Variants in MEAF6 observed in about 807,000 individuals in gnomAD.
MEAF6 encodes chromatin modification-related protein MEAF6.
A neutral mutation model predicts 28.9 loss-of-function variants in MEAF6; 15 were observed. That is an observed-to-expected ratio of 0.52 (90% CI 0.35 to 0.80). The LOEUF (loss-of-function observed/expected upper bound fraction) is 0.80. Among genes scored for constraint, MEAF6 ranks in the 30% least tolerant of loss-of-function variants. MEAF6 has a pLI of 0.01. For missense variants in MEAF6, 178 were observed against 237.5 expected (o/e 0.75, Z 1.65); for synonymous variants, 97 against 88.7 (o/e 1.09, Z -0.53).
chr1:37,499,066 G>T (rs1240303401), intron 5 of MEAF6, among the ~76,000 whole-genome samples: 2 of 151,978 alleles, frequency 1.3e-5, no homozygotes, highest in African/African-American at 2.4e-5. Context: ...TGGGAGGATT[G>T]CCTGAGCCCA....
intron 5 of MEAF6, among the ~76,000 whole-genome samples, chr1:37,497,938 C>T (rs1226467561): frequency 2.6e-5 from 4 of 152,068 alleles, no homozygotes; most frequent in African/African-American, 9.7e-5. Context: ...CCACAAGCAC[C>T]CAAGTCTCAG....
chr1:37,514,564 A>G, intron 1 of MEAF6, 93 bp downstream of exon 1: 1 of 913,634 alleles, frequency 1.1e-6, no homozygotes, highest in Non-Finnish European at 1.5e-6. Flanking sequence ...GCGCCCCCGG[A>G]GTAACAAACG....
rs1168160086 is a variant in MEAF6 at position 37,491,915 on chromosome 1, CT to C, written c.*2183del. 0.034 allele frequency among the ~76,000 whole-genome samples: 4,565 copies of C among 132,708 alleles called. 209 individuals carry two copies. The highest frequency in any genetic ancestry group is 0.12 in the African/African-American group (4,285 of 36,350). The allele number at this position is 132,708 out of a possible 152,430, so 87.1% of individuals were successfully genotyped here. On this transcript the variant is annotated 3_prime_UTR_variant, in exon 7 of 7. Transcript: ENST00000296214. The stretch of plus-strand genomic sequence containing the variant: ...CTTTTTAAGAGCAGTACTATTCTTT[CT>C]TTTTTTTTTTTTTTTTGACAGAGTC...
At chr1:37,501,190 C>CA (rs1277286354) in intron 5 of MEAF6, among the ~76,000 whole-genome samples, 4 of 151,858 alleles carry the variant, frequency 2.6e-5, no homozygotes, top group Non-Finnish European at 4.4e-5. Context: ...TTATGTACTG[C>CA]AAAAAAACAT....
Position 37,493,654 on chromosome 1 carries a change from A to G in MEAF6, c.*445T>C. ...AAGATAAAAACAACAAGAGAAAAAC[A>G]AGAAAACATAAAACAATATAAGAAA... is the stretch of plus-strand genomic sequence containing the variant. On this transcript the variant is annotated 3_prime_UTR_variant, in exon 7 of 7. Coordinates refer to ENST00000296214, the MANE Select transcript of MEAF6 (RefSeq NM_001270875.3). The G allele has an allele frequency of 1.1e-6, 1 of 899,050 alleles. No homozygotes were observed. The highest frequency in any genetic ancestry group is 1.7e-5 in the African/African-American group (1 of 58,980). 55.7% of individuals were successfully genotyped at this position (899,050 alleles called of 1,614,324 possible).
At chr1:37,514,398 C>T in intron 1 of MEAF6, 1 of 275,664 alleles carries the variant, frequency 3.6e-6, no homozygotes. Flanking sequence ...ACCGTCCTCC[C>T]TCCACGCCCC....
intron 6 of MEAF6, among the ~76,000 whole-genome samples, 193 bp downstream of exon 6, chr1:37,495,692 A>C (rs1233025280): frequency 9.1e-6 from 1 of 109,748 alleles, no homozygotes; most frequent in Non-Finnish European, 2.1e-5. Flanking sequence ...CTCAAAAAAA[A>C]AAAACAAAAA....
intron 2 of MEAF6, among the ~76,000 whole-genome samples, chr1:37,512,691 G>C (rs993734596): frequency 7.2e-5 from 11 of 151,892 alleles, no homozygotes; most frequent in Non-Finnish European, 1.5e-4. Flanking sequence ...GGAGTTCCAG[G>C]CCTGCCTGAG....
chr1:37,513,710 C>G (rs1032351537), intron 1 of MEAF6, 172 bp from the exon 2 acceptor site: 2 of 619,598 alleles, frequency 3.2e-6, no homozygotes, highest in Non-Finnish European at 5.8e-6. Flanking sequence ...CTAAGACAGT[C>G]TAGACCTTTG....
At chr1:37,514,628 G>T in intron 1 of MEAF6, 29 bp downstream of exon 1, 1 of 1,475,468 alleles carries the variant, frequency 6.8e-7, no homozygotes, top group Non-Finnish European at 9.0e-7. Flanking sequence ...GGAGCCCCAT[G>T]CCGTGCAACC....
intron 4 of MEAF6, among the ~76,000 whole-genome samples, chr1:37,503,963 A>C (rs570972997): frequency 1.2e-4 from 18 of 152,276 alleles, no homozygotes; most frequent in African/African-American, 4.1e-4. Context: ...CATCTCAAAA[A>C]AAAGAATATA....
In MEAF6 at chr1:37,495,332, A is replaced by AT. The variant is rs1642082103; in HGVS notation, c.567+552_567+553insA. ...GGCAACAGAGCAAGACTCCGTCTCA[A>AT]AAAATAAATAAATAAATAAATAAAT... On this transcript the variant is annotated intron_variant, in intron 6 of 6. Transcript: ENST00000296214. Among the ~76,000 whole-genome samples, 10 of 128,252 alleles carry AT rather than the reference A, an allele frequency of 7.8e-5. No homozygotes were observed. The South Asian group carries it at 1.0e-3, about 13-fold the overall frequency. 84.1% of individuals were successfully genotyped at this position (128,252 alleles called of 152,430 possible).
intron 4 of MEAF6, 83 bp from the exon 5 acceptor site, chr1:37,502,079 T>A: frequency 8.3e-7 from 1 of 1,201,472 alleles, no homozygotes; most frequent in Non-Finnish European, 1.1e-6. Context: ...CACTAATAGG[T>A]AGAAAAAAAC....
chr1:37,506,672 C>T (rs1230351322), intron 4 of MEAF6, among the ~76,000 whole-genome samples: 1 of 152,134 alleles, frequency 6.6e-6, no homozygotes, highest in Non-Finnish European at 1.5e-5. Flanking sequence ...TGTGAGCCAT[C>T]TCGCCAGCCT....
At chr1:37,513,649 A>G in intron 1 of MEAF6, 111 bp from the exon 2 acceptor site, 1 of 834,394 alleles carries the variant, frequency 1.2e-6, no homozygotes, top group Non-Finnish European at 2.0e-6. Flanking sequence ...TGCCCACACT[A>G]AACCACCCTG....
chr1:37,492,629 G>C lies in MEAF6; in HGVS notation c.*1470C>G, dbSNP rs1641976592. The C allele has an allele frequency of 6.7e-6, 1 of 148,730 alleles. No homozygotes were observed. Among genetic ancestry groups the C allele is most frequent in the Non-Finnish European group, 1.5e-5 (1 of 67,650 alleles). 9.2% of individuals were successfully genotyped at this position (148,730 alleles called of 1,614,324 possible). ...CAAGAGTGAAAGCTTTTGCACATCT[G>C]ACAAGGTAGACTTGTTTTACAGTAG... On this transcript the variant is annotated 3_prime_UTR_variant, in exon 7 of 7. Coordinates refer to ENST00000296214, the MANE Select transcript of MEAF6 (RefSeq NM_001270875.3).
intron 2 of MEAF6, among the ~76,000 whole-genome samples, chr1:37,511,631 G>T (rs1396236277): frequency 6.6e-6 from 1 of 152,166 alleles, no homozygotes; most frequent in East Asian, 1.9e-4. Context: ...TGATAAACTA[G>T]AGATAGATAA....
intron 4 of MEAF6, among the ~76,000 whole-genome samples, chr1:37,508,225 T>C (rs1356978890): frequency 2.0e-5 from 3 of 151,850 alleles, no homozygotes; most frequent in Non-Finnish European, 4.4e-5. Flanking sequence ...TATTTTCCAT[T>C]TTATACTTAA....
chr1:37,495,988 C>T, intron 5 of MEAF6, 70 bp from the exon 6 acceptor site: 1 of 1,231,338 alleles, frequency 8.1e-7, no homozygotes, highest in South Asian at 1.2e-5. Context: ...TCAGCTACTG[C>T]ATAGGGCATA....
Sources: gnomAD v4.1 joint callset for allele counts (sites outside exome capture counted in the v4.1 genomes callset) on GRCh38, gnomAD v4.1.1 for gene constraint, MANE v1.5 for transcripts, NCBI Gene and HGNC (gene_info 2026-07-23, HGNC 2026-07-21) for gene names.